INSYN2A: variants seen among roughly 807,000 people sequenced by gnomAD.
The protein encoded by INSYN2A is family with sequence similarity 196 member A.
Under a neutral mutation model 39.4 loss-of-function variants are expected in INSYN2A, and 17 were observed. The observed-to-expected ratio is 0.43, with a 90% confidence interval of 0.30 to 0.65. The LOEUF (loss-of-function observed/expected upper bound fraction) is 0.65, where lower values mean the gene tolerates loss of function less well. Among genes scored for constraint, INSYN2A ranks in the 30% least tolerant of loss-of-function variants. INSYN2A has a pLI of 0.14. For synonymous variants in INSYN2A, 255 were observed against 265.7 expected, an observed-to-expected ratio of 0.96 and a Z score of 0.39; for missense variants, 595 against 631.2, an observed-to-expected ratio of 0.94 and a Z score of 0.61.
At chr10:127,154,706 C>T (rs748734148) in intron 4 of INSYN2A, among the ~76,000 whole-genome samples, 5 of 152,102 alleles carry the variant, frequency 3.3e-5, no homozygotes, top group Admixed American at 6.5e-5. Flanking sequence ...TCTGTCAGAC[C>T]CCTGAGGCCG....
chr10:127,140,890 C>A (rs1288684418), intron 5 of INSYN2A, among the ~76,000 whole-genome samples: 1 of 152,158 alleles, frequency 6.6e-6, no homozygotes, highest in Non-Finnish European at 1.5e-5. Context: ...ACACAGACCT[C>A]CCTCTGTATT....
At chr10:127,188,657 G>A (rs1475482647) in intron 2 of INSYN2A, among the ~76,000 whole-genome samples, 3 of 152,144 alleles carry the variant, frequency 2.0e-5, no homozygotes, top group African/African-American at 7.2e-5. Context: ...CCACCTGCTT[G>A]GATTTGAGTT....
chr10:127,164,823 T>C (rs2133738641), intron 4 of INSYN2A, among the ~76,000 whole-genome samples: 1 of 152,332 alleles, frequency 6.6e-6, no homozygotes, highest in African/African-American at 2.4e-5. Flanking sequence ...TTTTCCTTCC[T>C]TCATTCATGC....
chr10:127,160,657 G>A lies in INSYN2A; in HGVS notation c.1185-6734C>T, dbSNP rs550311442. Among the ~76,000 whole-genome samples, 6 of 152,348 alleles carry A rather than the reference G, an allele frequency of 3.9e-5. No homozygotes were observed. In the South Asian group the frequency reaches 1.2e-3, roughly 32 times the overall value. On this transcript the variant is annotated intron_variant, in intron 4 of 5. Coordinates refer to ENST00000522781, the MANE Select transcript of INSYN2A (RefSeq NM_001039762.3). The stretch of plus-strand genomic sequence containing the variant: ...GTTCATTACATAGGGTATGGCAATT[G>A]TCACACTGAATCAATTCAGAGGCTG...
chr10:127,178,755 A>G (rs996888446), intron 2 of INSYN2A, among the ~76,000 whole-genome samples: 18 of 152,200 alleles, frequency 1.2e-4, no homozygotes, highest in South Asian at 4.1e-4. Context: ...AGATGCACCA[A>G]TATCTTGGCC....
chr10:127,174,884 A>T (rs779532101), intron 4 of INSYN2A, among the ~76,000 whole-genome samples: 7 of 152,174 alleles, frequency 4.6e-5, no homozygotes, highest in Non-Finnish European at 1.0e-4. Context: ...TTGGACTGGC[A>T]TATGTTGTTA....
At chr10:127,143,630 A>T (rs577918338) in intron 5 of INSYN2A, among the ~76,000 whole-genome samples, 7 of 152,294 alleles carry the variant, frequency 4.6e-5, no homozygotes, top group Non-Finnish European at 7.4e-5. Flanking sequence ...ATGTCAACTG[A>T]CATTGGCGCC....
At chr10:127,163,799 CTTTTTT>C (rs531750560) in intron 4 of INSYN2A, among the ~76,000 whole-genome samples, 3 of 129,218 alleles carry the variant, frequency 2.3e-5, no homozygotes, top group Admixed American at 7.9e-5. Context: ...TAAAGCCTTC[CTTTTTT>C]TTTTTTTTTT....
intron 4 of INSYN2A, among the ~76,000 whole-genome samples, chr10:127,159,973 T>C (rs1239305257): frequency 6.6e-6 from 1 of 152,104 alleles, no homozygotes; most frequent in Non-Finnish European, 1.5e-5. Context: ...AGGAAGGGTG[T>C]TGAGAAATGT....
At chr10:127,156,197 A>G (rs2053028503) in intron 4 of INSYN2A, among the ~76,000 whole-genome samples, 2 of 152,146 alleles carry the variant, frequency 1.3e-5, no homozygotes, top group Non-Finnish European at 2.9e-5. Flanking sequence ...CCAGTGTCCA[A>G]GTTTCCCAGT....
At chr10:127,173,047 C>A (rs573516037) in intron 4 of INSYN2A, among the ~76,000 whole-genome samples, 13 of 152,158 alleles carry the variant, frequency 8.5e-5, no homozygotes, top group African/African-American at 3.1e-4. Context: ...TGTGTGGCAG[C>A]CTGTGTGCCG....
intron 5 of INSYN2A, among the ~76,000 whole-genome samples, chr10:127,151,391 G>A (rs893669073): frequency 6.6e-6 from 1 of 152,164 alleles, no homozygotes; most frequent in Non-Finnish European, 1.5e-5. Context: ...GGGACCAAAA[G>A]CCTTCCAGTG....
chr10:127,139,537 T>C (rs1395082163), intron 5 of INSYN2A, among the ~76,000 whole-genome samples: 1 of 152,214 alleles, frequency 6.6e-6, no homozygotes, highest in Non-Finnish European at 1.5e-5. Context: ...AATTTAAGTC[T>C]TGCTAATCCA....
At chr10:127,160,006 T>C (rs2053450755) in intron 4 of INSYN2A, among the ~76,000 whole-genome samples, 1 of 152,112 alleles carries the variant, frequency 6.6e-6, no homozygotes, top group Non-Finnish European at 1.5e-5. Context: ...ACTGCAAGCT[T>C]TCTTCCCGGC....
chr10:127,195,332 C>G (rs960703435), intron 1 of INSYN2A, among the ~76,000 whole-genome samples: 1 of 152,200 alleles, frequency 6.6e-6, no homozygotes, highest in Admixed American at 6.5e-5. Flanking sequence ...GTTGGTTTCC[C>G]ACGCCTGTCC....
intron 5 of INSYN2A, among the ~76,000 whole-genome samples, chr10:127,143,713 G>A (rs2051504840): frequency 6.6e-6 from 1 of 152,156 alleles, no homozygotes; most frequent in South Asian, 2.1e-4. Context: ...GTTGGGATCT[G>A]GATCCCAGGC....
intron 5 of INSYN2A, among the ~76,000 whole-genome samples, chr10:127,140,037 C>A (rs2051074196): frequency 6.6e-6 from 1 of 152,088 alleles, no homozygotes; most frequent in South Asian, 2.1e-4. Context: ...CGTAATTCTA[C>A]CAAGGTGCTT....
chr10:127,165,446 T>C (rs372052382), intron 4 of INSYN2A, among the ~76,000 whole-genome samples: 2 of 152,334 alleles, frequency 1.3e-5, no homozygotes, highest in East Asian at 1.9e-4. Flanking sequence ...GATAACCTAG[T>C]GCTGTAACCA....
intron 2 of INSYN2A, among the ~76,000 whole-genome samples, chr10:127,189,902 A>G (rs1246303771): frequency 1.3e-5 from 2 of 152,034 alleles, no homozygotes; most frequent in African/African-American, 4.8e-5. Flanking sequence ...CACAGAGATC[A>G]ATGGAGTTGA....
Sources: allele counts gnomAD v4.1 joint callset (sites outside exome capture counted in the v4.1 genomes callset), GRCh38; gene constraint gnomAD v4.1.1; transcripts MANE v1.5; gene names NCBI Gene and HGNC (gene_info 2026-07-23, HGNC 2026-07-21).